SMIM21: variants seen among roughly 807,000 people sequenced by gnomAD.
SMIM21 encodes chromosome 18 open reading frame 62.
Under a neutral mutation model 8.6 loss-of-function variants are expected in SMIM21, and 8 were observed. The observed-to-expected ratio is 0.93, with a 90% confidence interval of 0.55 to 1.68. The LOEUF (loss-of-function observed/expected upper bound fraction) is 1.68. SMIM21 is among the 40% of genes most tolerant of loss of function. The probability of loss-of-function intolerance (pLI) is 0.00; values close to 1 mark genes in which losing one functional copy is unlikely to be tolerated. For missense variants in SMIM21, 132 were observed against 123.0 expected (o/e 1.07, Z -0.35); for synonymous variants, 43 against 41.7 (o/e 1.03, Z -0.12).
chr18:75,423,962 C>G (rs2024735363), intron 1 of SMIM21, among the ~76,000 whole-genome samples: 1 of 152,152 alleles, frequency 6.6e-6, no homozygotes, highest in Admixed American at 6.5e-5. Context: ...TAGTTGTTGT[C>G]TATAACTGTT....
Position 75,410,913 on chromosome 18 carries a change from C to G in SMIM21, c.261-4G>C. The G allele has an allele frequency of 6.2e-7, 1 of 1,613,694 alleles. No homozygotes were observed. Among genetic ancestry groups the G allele is most frequent in the Non-Finnish European group, 8.5e-7 (1 of 1,179,890 alleles). ...GGATGACTTCAAACGTAGAAAGCTG[C>G]AAGAGACAAAAGGGGGAAAAAGCAT... On this transcript the variant is annotated splice_region_variant and splice_polypyrimidine_tract_variant and intron_variant, in intron 2 of 2. Transcript: ENST00000579022.
In SMIM21 at chr18:75,427,695, C is replaced by T; in HGVS notation, c.-132G>A. ...TCTCTTCTTTGCCAACCTTGAAGAT[C>T]TGGGTATTATTTTATGAAGCTGGAT... On this transcript the variant is annotated 5_prime_UTR_variant, in exon 1 of 3. Transcript: ENST00000579022. The T allele has an allele frequency of 2.2e-6, 2 of 900,590 alleles. No individual in the cohort carries two copies. Among genetic ancestry groups the T allele is most frequent in the Non-Finnish European group, 3.1e-6 (2 of 638,450 alleles). The allele number at this position is 900,590 out of a possible 1,614,324, so 55.8% of individuals were successfully genotyped here. A position where few individuals can be genotyped will look rare whatever the true frequency, so the allele number is the denominator to read the frequency against.
At chr18:75,414,876 AAG>A (rs2024627801) in intron 2 of SMIM21, among the ~76,000 whole-genome samples, 1 of 152,164 alleles carries the variant, frequency 6.6e-6, no homozygotes, top group Admixed American at 6.5e-5. Flanking sequence ...ACCAGCAAAA[AAG>A]AGGGGGAAAG....
Position 75,410,894 on chromosome 18 carries a change from C to T in SMIM21, c.276G>A (p.Lys92=). 1.2e-6 allele frequency: 2 copies of T among 1,614,072 alleles called. No homozygotes were observed. Among genetic ancestry groups the T allele is most frequent in the Non-Finnish European group, 1.7e-6 (2 of 1,180,016 alleles). The change falls in exon 3 of 3, where the codon AAG becomes AAA. Residue 92 remains lysine (K), a synonymous_variant. Transcript: ENST00000579022. ...CTGCTTCTGCTGTGTTCCTGGATGACTTCAAACGTAGAAAGCTGCAAGAGA... is the reference window on the plus strand; with the variant it reads ...CTGCTTCTGCTGTGTTCCTGGATGATTTCAAACGTAGAAAGCTGCAAGAGA... ...NSIFRNFLRL[K]SSRNTAEAE
At chr18:75,421,311 G>T (rs1217194121) in intron 1 of SMIM21, among the ~76,000 whole-genome samples, 1 of 152,156 alleles carries the variant, frequency 6.6e-6, no homozygotes, top group African/African-American at 2.4e-5. Context: ...TAAGAAAGGA[G>T]GTTTTATTAA....
At chr18:75,413,022 C>G (rs963051466) in intron 2 of SMIM21, among the ~76,000 whole-genome samples, 1 of 152,174 alleles carries the variant, frequency 6.6e-6, no homozygotes, top group Non-Finnish European at 1.5e-5. Context: ...ATCGTCTCCT[C>G]TTCTTGGACT....
chr18:75,419,820 C>T (rs2024690162), intron 1 of SMIM21, among the ~76,000 whole-genome samples: 1 of 152,064 alleles, frequency 6.6e-6, no homozygotes, highest in African/African-American at 2.4e-5. Flanking sequence ...TAATATGGGG[C>T]CTTATCCTTT....
intron 1 of SMIM21, among the ~76,000 whole-genome samples, chr18:75,420,253 A>G (rs1453434634): frequency 2.0e-5 from 3 of 152,206 alleles, no homozygotes; most frequent in African/African-American, 7.2e-5. Flanking sequence ...TTACCAGCTA[A>G]TAGGCCTCTA....
At chr18:75,423,862 A>T (rs553232913) in intron 1 of SMIM21, among the ~76,000 whole-genome samples, 75 of 150,806 alleles carry the variant, frequency 5.0e-4, no homozygotes, top group African/African-American at 1.7e-3. Flanking sequence ...AAAAGTCCAA[A>T]TTTTTTTTTT....
chr18:75,426,414 A>G (rs1349278448), intron 1 of SMIM21, among the ~76,000 whole-genome samples: 2 of 151,860 alleles, frequency 1.3e-5, no homozygotes, highest in Non-Finnish European at 2.9e-5. Flanking sequence ...GGTTCACACC[A>G]TTCTCCTGCC....
intron 1 of SMIM21, among the ~76,000 whole-genome samples, chr18:75,424,100 T>C (rs1352337350): frequency 1.3e-5 from 2 of 152,254 alleles, no homozygotes; most frequent in Non-Finnish European, 2.9e-5. Context: ...CCCATAGTTG[T>C]AATCTGACAC....
intron 1 of SMIM21, 36 bp from the exon 2 acceptor site, chr18:75,418,952 T>C: frequency 1.4e-6 from 2 of 1,443,780 alleles, no homozygotes; most frequent in Non-Finnish European, 1.9e-6. Flanking sequence ...CTATTTACAG[T>C]GTCTGGCTTT....
chr18:75,410,809 C>T lies in SMIM21; in HGVS notation c.*55G>A. 2 of 1,605,846 alleles carry T rather than the reference C, an allele frequency of 1.2e-6. No individual in the cohort carries two copies. Among genetic ancestry groups the T allele is most frequent in the Non-Finnish European group, 1.7e-6 (2 of 1,177,278 alleles). Reference sequence around the variant, plus strand: ...TGATTTCCTCTTAATTTCTTTTCATCTTGAGCAGGGGAAATCCATGGTATG... The same window carrying T: ...TGATTTCCTCTTAATTTCTTTTCATTTTGAGCAGGGGAAATCCATGGTATG... On this transcript the variant is annotated 3_prime_UTR_variant, in exon 3 of 3. Transcript: ENST00000579022.
intron 1 of SMIM21, among the ~76,000 whole-genome samples, chr18:75,421,273 G>C (rs2024705719): frequency 6.6e-6 from 1 of 152,170 alleles, no homozygotes; most frequent in Non-Finnish European, 1.5e-5. Flanking sequence ...TGTAAACGTT[G>C]AACCCCAAGA....
chr18:75,421,566 T>C (rs1352603149), intron 1 of SMIM21, among the ~76,000 whole-genome samples: 1 of 152,000 alleles, frequency 6.6e-6, no homozygotes, highest in African/African-American at 2.4e-5. Flanking sequence ...CTCATCCTAG[T>C]GTTTCTCTCA....
intron 1 of SMIM21, 158 bp from the exon 2 acceptor site, chr18:75,419,074 T>G (rs2024682504): frequency 2.1e-6 from 1 of 466,146 alleles, no homozygotes; most frequent in Non-Finnish European, 3.8e-6. Flanking sequence ...AGAACTGTGG[T>G]TTTTATTGAG....
In SMIM21 at chr18:75,427,534, G is replaced by A; in HGVS notation, c.30C>T (p.Pro10=). 1.2e-6 allele frequency: 2 copies of A among 1,613,490 alleles called. No individual in the cohort carries two copies. Among genetic ancestry groups the A allele is most frequent in the African/African-American group, 1.3e-5 (1 of 75,046 alleles). Residue 10 remains proline, a synonymous_variant, in exon 1 of 3, where the codon CCC becomes CCT. Transcript: ENST00000579022. ...TTCCCAGCTGTGCTATAGGGAATCG[G>A]GGAGGAGCTGTGGACACATACTGGT... MDQYVSTAP[P]RFPIAQLGTF...
intron 1 of SMIM21, among the ~76,000 whole-genome samples, chr18:75,421,482 G>T (rs1003711048): frequency 6.6e-6 from 1 of 151,788 alleles, no homozygotes; most frequent in Non-Finnish European, 1.5e-5. Flanking sequence ...GCCACAAGTC[G>T]GGAGTGGAGG....
Position 75,411,030 on chromosome 18 carries a change from C to T in SMIM21, c.261-121G>A, listed in dbSNP as rs2024578717. Reference sequence around the variant, plus strand: ...ACACATTTTAAAATTTAATTTTTCCCCCCAAGATTTTGGAGTGTTTTGAGG... The same window carrying T: ...ACACATTTTAAAATTTAATTTTTCCTCCCAAGATTTTGGAGTGTTTTGAGG... On this transcript the variant is annotated intron_variant, in intron 2 of 2. Transcript: ENST00000579022. 3 of 1,400,172 alleles carry T rather than the reference C, an allele frequency of 2.1e-6. No individual in the cohort carries two copies. The East Asian group carries it at 7.5e-5, about 35-fold the overall frequency. 86.7% of individuals were successfully genotyped at this position (1,400,172 alleles called of 1,614,324 possible). A position where few individuals can be genotyped will look rare whatever the true frequency, so the allele number is the denominator to read the frequency against.
Sources: gnomAD v4.1 joint callset for allele counts (sites outside exome capture counted in the v4.1 genomes callset) on GRCh38, gnomAD v4.1.1 for gene constraint, MANE v1.5 for transcripts, NCBI Gene and HGNC (gene_info 2026-07-23, HGNC 2026-07-21) for gene names.